Variants in GAS7 observed in about 807,000 individuals in gnomAD.
The protein encoded by GAS7 is growth arrest-specific protein 7.
GAS7 carries 28 observed loss-of-function variants against 71.1 expected under a neutral mutation model. The observed-to-expected ratio is 0.39, with a 90% CI of 0.29 to 0.54. GAS7 has a LOEUF of 0.54. GAS7 is among the 20% of genes least tolerant of loss of function. GAS7 has a pLI of 0.62. For missense variants in GAS7, 436 were observed against 627.8 expected (o/e 0.69, Z 3.27); for synonymous variants, 258 against 245.8 (o/e 1.05, Z -0.46).
In GAS7 at chr17:9,926,756, A is replaced by G. The variant is rs2068016719; in HGVS notation, c.899T>C (p.Val300Ala). 6.2e-7 allele frequency: 1 copy of G among 1,613,946 alleles called. No individual in the cohort carries two copies. Among genetic ancestry groups the G allele is most frequent in the Non-Finnish European group, 8.5e-7 (1 of 1,179,906 alleles). The part of the protein sequence containing the change: ...LKFSAKLHSE[V>A]EKPLMNFREN... The stretch of plus-strand genomic sequence containing the variant: ...ACGGAAGTTCATCAGGGGCTTCTCC[A>G]CCTCGCTGTGAAGCTGTTGGGAGAG... The change falls in exon 10 of 14, where the codon GTG (valine) becomes GCG (alanine). Residue 300 changes from valine to alanine, a missense_variant. By Grantham distance (64) the Val-to-Ala change is moderately conservative. Coordinates refer to ENST00000432992, the MANE Select transcript of GAS7 (RefSeq NM_201433.2). The surrounding 1 kb of genome is among the most constrained non-coding windows in gnomAD (Gnocchi z 5.0).
chr17:9,926,846 G>A lies in GAS7; in HGVS notation c.886-77C>T. 2 of 1,520,660 alleles carry A rather than the reference G, an allele frequency of 1.3e-6. No homozygotes were observed. Among genetic ancestry groups the A allele is most frequent in the Admixed American group, 3.4e-5 (2 of 59,676 alleles). The allele number at this position is 1,520,660 out of a possible 1,614,324, so 94.2% of individuals were successfully genotyped here. Reference sequence around the variant, plus strand: ...CCAGTGCAGGGAGGAGGGATGGGAGGGGCACCCCCACTTCCCCAGGCAAGT... The same window carrying A: ...CCAGTGCAGGGAGGAGGGATGGGAGAGGCACCCCCACTTCCCCAGGCAAGT... On this transcript the variant is annotated intron_variant, in intron 9 of 13. Coordinates refer to ENST00000432992, the MANE Select transcript of GAS7 (RefSeq NM_201433.2). This position sits in a 1 kb window ranked among gnomAD's most constrained non-coding sequence, Gnocchi z 5.0.
chr17:10,001,177 G>A (rs1032086562), intron 2 of GAS7, among the ~76,000 whole-genome samples: 5 of 152,018 alleles, frequency 3.3e-5, no homozygotes, highest in African/African-American at 1.2e-4. Flanking sequence ...GAGGGAAGAG[G>A]ACACGAATAA....
chr17:10,133,619 T>C (rs889616219), intron 1 of GAS7, among the ~76,000 whole-genome samples: 6 of 152,126 alleles, frequency 3.9e-5, no homozygotes, highest in Non-Finnish European at 5.9e-5. Context: ...TTATTAACTA[T>C]AGTCACCATT....
At chr17:10,149,037 G>A (rs760208515) in intron 1 of GAS7, among the ~76,000 whole-genome samples, 2 of 152,086 alleles carry the variant, frequency 1.3e-5, no homozygotes, top group East Asian at 1.9e-4. Flanking sequence ...GAAGGTTGCT[G>A]CAAGGCATGT....
intron 1 of GAS7, among the ~76,000 whole-genome samples, chr17:10,091,513 G>A (rs962514572): frequency 2.6e-5 from 4 of 152,014 alleles, no homozygotes; most frequent in African/African-American, 4.8e-5. Context: ...TCAGCCTCCC[G>A]AGTAGCTGGG....
At chr17:10,102,303 T>A (rs906156797) in intron 1 of GAS7, among the ~76,000 whole-genome samples, 10 of 151,020 alleles carry the variant, frequency 6.6e-5, no homozygotes, top group Non-Finnish European at 1.5e-4. Flanking sequence ...GACCCCTGAA[T>A]TATGCTACAC....
intron 1 of GAS7, among the ~76,000 whole-genome samples, chr17:10,190,440 G>A (rs1402391969): frequency 2.0e-5 from 3 of 151,854 alleles, no homozygotes; most frequent in Admixed American, 1.3e-4. Flanking sequence ...AAAATTAGCC[G>A]GGCGTGGTGG....
chr17:10,191,832 G>A (rs1050083198), intron 1 of GAS7, among the ~76,000 whole-genome samples: 2 of 142,028 alleles, frequency 1.4e-5, no homozygotes, highest in East Asian at 2.0e-4. Context: ...CCGAGATCAC[G>A]CCACTGCACT....
At chr17:10,008,199 C>T (rs2071616477) in intron 2 of GAS7, among the ~76,000 whole-genome samples, 1 of 132,112 alleles carries the variant, frequency 7.6e-6, no homozygotes, top group African/African-American at 3.8e-5. Flanking sequence ...AGCATGCATG[C>T]ACACTTTTTG....
rs1281679984 is a variant in GAS7 at position 10,112,761 on chromosome 17, AAAAGAAAG to A, written c.183+85439_183+85446del. Among the ~76,000 whole-genome samples the A allele has an allele frequency of 3.9e-5, 6 of 151,954 alleles. No homozygotes were observed. In the East Asian group the frequency reaches 5.8e-4, roughly 15 times the overall value. On this transcript the variant is annotated intron_variant, in intron 1 of 13. Transcript: ENST00000432992. ...TCTCAAAAACAAACAAAGAAAAGAAAAAAGAAAGAAAGAAAGAGAGAAAGAGAAAGAAA... is the reference window on the plus strand; with the variant it reads ...TCTCAAAAACAAACAAAGAAAAGAAAAAAGAAAGAGAGAAAGAGAAAGAAA...
intron 1 of GAS7, among the ~76,000 whole-genome samples, chr17:10,194,166 G>A (rs1306063205): frequency 2.0e-5 from 3 of 152,174 alleles, no homozygotes; most frequent in African/African-American, 7.2e-5. Flanking sequence ...GCTCTTTTTA[G>A]GAAAGAGAAA....
At chr17:9,968,782 A>G (rs1196376266) in intron 4 of GAS7, among the ~76,000 whole-genome samples, 1 of 152,170 alleles carries the variant, frequency 6.6e-6, no homozygotes, top group South Asian at 2.1e-4. Flanking sequence ...GGTACATAGA[A>G]TCCACTGCAC....
intron 1 of GAS7, among the ~76,000 whole-genome samples, chr17:10,107,541 G>GGTT (rs1273238420): frequency 6.6e-6 from 1 of 151,940 alleles, no homozygotes; most frequent in Non-Finnish European, 1.5e-5. Context: ...ATAGTCCAGT[G>GGTT]GCAGGCTGAG....
At chr17:10,074,681 G>A (rs1223461303) in intron 1 of GAS7, among the ~76,000 whole-genome samples, 1 of 152,054 alleles carries the variant, frequency 6.6e-6, no homozygotes, top group African/African-American at 2.4e-5. Context: ...TGTACCTGTC[G>A]GTGTGGTTTT....
At position 10,034,700 on chromosome 17, in the gene GAS7, G is replaced by T. The variant is rs2072705443; in HGVS notation, c.184-14803C>A. ...AAGTCACATTCAAGTGTAGACATGG[G>T]CATCATGTCTAGGAGGCATCTGACT... On this transcript the variant is annotated intron_variant, in intron 1 of 13. Transcript: ENST00000432992. The surrounding 1 kb of genome is among the most constrained non-coding windows in gnomAD (Gnocchi z 4.4). Among the ~76,000 whole-genome samples the T allele has an allele frequency of 6.6e-6, 1 of 152,164 alleles. No individual in the cohort carries two copies. The highest frequency in any genetic ancestry group is 2.4e-5 in the African/African-American group (1 of 41,430).
At chr17:10,057,783 C>A (rs1017346928) in intron 1 of GAS7, among the ~76,000 whole-genome samples, 1 of 152,080 alleles carries the variant, frequency 6.6e-6, no homozygotes, top group Non-Finnish European at 1.5e-5. Flanking sequence ...GCCATGATGA[C>A]GATGGGGGTT....
chr17:9,926,599 C>T lies in GAS7; in HGVS notation c.1014+42G>A, dbSNP rs745624989. The T allele has an allele frequency of 1.2e-6, 2 of 1,602,026 alleles. No homozygotes were observed. Among genetic ancestry groups the T allele is most frequent in the Non-Finnish European group, 1.7e-6 (2 of 1,173,362 alleles). ...CCCAGTCCCCCTTCTTCCAGGCAGT[C>T]CCCCATGCACCTGCCCTGGCCCAGC... On this transcript the variant is annotated intron_variant, in intron 10 of 13. Transcript: ENST00000432992. This position sits in a 1 kb window ranked among gnomAD's most constrained non-coding sequence, Gnocchi z 5.0.
intron 1 of GAS7, among the ~76,000 whole-genome samples, chr17:10,115,999 T>C (rs1385505856): frequency 6.6e-6 from 1 of 152,164 alleles, no homozygotes. Flanking sequence ...CCCTCACCTC[T>C]CCAGATCATC....
At chr17:10,151,235 G>A (rs1390657472) in intron 1 of GAS7, among the ~76,000 whole-genome samples, 1 of 151,924 alleles carries the variant, frequency 6.6e-6, no homozygotes, top group Admixed American at 6.6e-5. Flanking sequence ...AAACTCCTGG[G>A]CTCAAGTGGT....
Sources: allele counts gnomAD v4.1 joint callset (sites outside exome capture counted in the v4.1 genomes callset), GRCh38; gene constraint gnomAD v4.1.1; non-coding constraint Gnocchi (gnomAD v3.1); transcripts MANE v1.5; gene names NCBI Gene and HGNC (gene_info 2026-07-23, HGNC 2026-07-21).